PCDHGA2: variants seen among roughly 807,000 people sequenced by gnomAD.
PCDHGA2 encodes the protein protocadherin gamma-A2.
PCDHGA2 carries 40 observed loss-of-function variants against 59.2 expected under a neutral mutation model. The ratio of observed to expected loss-of-function variants is 0.68; its 90% CI spans 0.52 to 0.88. PCDHGA2 has a LOEUF of 0.88. Ranked by LOEUF, PCDHGA2 falls within the 40% of genes least tolerant of loss-of-function variation. The pLI is 0.00. For synonymous variants in PCDHGA2, 560 were observed against 526.0 expected, an observed-to-expected ratio of 1.06 and a Z score of -0.89; for missense variants, 1,226 against 1,204.0, an observed-to-expected ratio of 1.02 and a Z score of -0.27.
chr5:141,495,434 G>A (rs1038100521), intron 2 of PCDHGA2, among the ~76,000 whole-genome samples: 2 of 152,196 alleles, frequency 1.3e-5, no homozygotes, highest in Non-Finnish European at 2.9e-5. Flanking sequence ...ACTGTCCTCT[G>A]CCCCTACTTG....
intron 1 of PCDHGA2, chr5:141,360,463 G>A (rs1405122386): frequency 6.2e-7 from 1 of 1,613,904 alleles, no homozygotes; most frequent in South Asian, 1.1e-5. Flanking sequence ...CGATACTGTC[G>A]CTGAAAATCC....
chr5:141,485,444 G>A lies in PCDHGA2; in HGVS notation c.2425-9363G>A. 1 of 1,614,110 alleles carries A rather than the reference G, an allele frequency of 6.2e-7. No individual in the cohort carries two copies. Among genetic ancestry groups the A allele is most frequent in the Non-Finnish European group, 8.5e-7 (1 of 1,180,020 alleles). On this transcript the variant is annotated intron_variant, in intron 1 of 3. Coordinates refer to ENST00000394576, the MANE Select transcript of PCDHGA2 (RefSeq NM_018915.4). This position sits in a 1 kb window ranked among gnomAD's most constrained non-coding sequence, Gnocchi z 5.7. ...AGCCCTGCTCATCAAGAACCCAATC[G>A]ACCGAGAGGCACTGTGTGGGCTCAG...
Position 141,491,405 on chromosome 5 carries a change from A to C in PCDHGA2, c.2425-3402A>C. 6.2e-7 allele frequency: 1 copy of C among 1,614,096 alleles called. No individual in the cohort carries two copies. Among genetic ancestry groups the C allele is most frequent in the Non-Finnish European group, 8.5e-7 (1 of 1,179,998 alleles). On this transcript the variant is annotated intron_variant, in intron 1 of 3. Coordinates refer to ENST00000394576, the MANE Select transcript of PCDHGA2 (RefSeq NM_018915.4). This position sits in a 1 kb window ranked among gnomAD's most constrained non-coding sequence, Gnocchi z 6.9. ...GCGAAGTGCCTTCAGGGAAACGCAG[A>C]CGGGGACGGGGGTGGAGGGCAGTGC... is the stretch of plus-strand genomic sequence containing the variant.
intron 1 of PCDHGA2, among the ~76,000 whole-genome samples, chr5:141,484,211 G>A (rs1362875959): frequency 6.6e-6 from 1 of 152,158 alleles, no homozygotes; most frequent in Non-Finnish European, 1.5e-5. Context: ...ATGAACATTA[G>A]CATTCTGCCA....
In PCDHGA2 at chr5:141,489,661, C is replaced by T. The variant is rs756803543; in HGVS notation, c.2425-5146C>T. 36 of 1,614,146 alleles carry T rather than the reference C, an allele frequency of 2.2e-5. 1 individual carries two copies. Among genetic ancestry groups the T allele is most frequent in the South Asian group, 5.5e-5 (5 of 91,090 alleles). ...CTTTGCCACCCCTGAGCGAGAGATG[C>T]GCATCTCAGAATCAGCAGCATCTGG... On this transcript the variant is annotated intron_variant, in intron 1 of 3. Coordinates refer to ENST00000394576, the MANE Select transcript of PCDHGA2 (RefSeq NM_018915.4). The surrounding 1 kb of genome is among the most constrained non-coding windows in gnomAD (Gnocchi z 4.5).
chr5:141,366,328 C>T (rs778365263), intron 1 of PCDHGA2: 1 of 1,613,870 alleles, frequency 6.2e-7, no homozygotes, highest in Non-Finnish European at 8.5e-7. Context: ...CCGTGGCCGA[C>T]AGGATCCCTG....
At chr5:141,361,284 C>T in intron 1 of PCDHGA2, 1 of 1,614,018 alleles carries the variant, frequency 6.2e-7, no homozygotes, top group Non-Finnish European at 8.5e-7. Flanking sequence ...GAGAAGTTTA[C>T]TGCCAAGTGT....
At chr5:141,378,972 G>A (rs2150135353) in intron 1 of PCDHGA2, 1 of 152,298 alleles carries the variant, frequency 6.6e-6, no homozygotes, top group Middle Eastern at 3.4e-3. Context: ...CTAATTTGAT[G>A]ACTTGTTGAA....
chr5:141,430,951 C>A, intron 1 of PCDHGA2: 3 of 1,610,496 alleles, frequency 1.9e-6, no homozygotes, highest in Non-Finnish European at 2.5e-6. Flanking sequence ...AGCGCGGAGT[C>A]CGCATCATCC....
intron 1 of PCDHGA2, among the ~76,000 whole-genome samples, chr5:141,445,490 C>T (rs1181158971): frequency 6.6e-6 from 1 of 152,134 alleles, no homozygotes; most frequent in Non-Finnish European, 1.5e-5. Flanking sequence ...AGTTAATGGG[C>T]CCTATTCTAA....
Position 141,486,616 on chromosome 5 carries a change from C to A in PCDHGA2, c.2425-8191C>A. On this transcript the variant is annotated intron_variant, in intron 1 of 3. Transcript: ENST00000394576. The surrounding 1 kb of genome is among the most constrained non-coding windows in gnomAD (Gnocchi z 5.0). ...TGCTTTGCTCCCTTGCAGCCTCTGACCCAGACTCTGGCTTGAATGCGCTTA... is the reference window on the plus strand; with the variant it reads ...TGCTTTGCTCCCTTGCAGCCTCTGAACCAGACTCTGGCTTGAATGCGCTTA... The A allele has an allele frequency of 6.2e-7, 1 of 1,613,618 alleles. No individual in the cohort carries two copies. Among genetic ancestry groups the A allele is most frequent in the Non-Finnish European group, 8.5e-7 (1 of 1,180,022 alleles).
intron 1 of PCDHGA2, chr5:141,356,432 A>C (rs772805115): frequency 8.7e-6 from 14 of 1,609,664 alleles, no homozygotes; most frequent in Non-Finnish European, 1.2e-5. Context: ...AGAACACTGG[A>C]CAGGGAAGAA....
At chr5:141,346,741 A>G (rs898416865) in intron 1 of PCDHGA2, among the ~76,000 whole-genome samples, 2 of 152,214 alleles carry the variant, frequency 1.3e-5, no homozygotes. Flanking sequence ...CTAAGTTACT[A>G]TTTGAAATTG....
At chr5:141,466,058 C>T (rs970494567) in intron 1 of PCDHGA2, among the ~76,000 whole-genome samples, 2 of 152,046 alleles carry the variant, frequency 1.3e-5, no homozygotes, top group African/African-American at 4.8e-5. Flanking sequence ...GGAGACGGAG[C>T]TTGCAGTGAG....
chr5:141,428,082 G>A lies in PCDHGA2; in HGVS notation c.2425-66725G>A, dbSNP rs776612130. 2.5e-6 allele frequency: 4 copies of A among 1,609,030 alleles called. No individual in the cohort carries two copies. In the African/African-American group the frequency reaches 5.3e-5, roughly 21 times the overall value. On this transcript the variant is annotated intron_variant, in intron 1 of 3. Transcript: ENST00000394576. ...GGTGGACGCAGATTCGGGACACAACGCTTGGCTGTCCTACCACGTGCTGCA... is the reference window on the plus strand; with the variant it reads ...GGTGGACGCAGATTCGGGACACAACACTTGGCTGTCCTACCACGTGCTGCA...
rs1349189547 is a variant in PCDHGA2 at position 141,432,777 on chromosome 5, C to A, written c.2425-62030C>A. 1.2e-6 allele frequency: 2 copies of A among 1,614,154 alleles called. No individual in the cohort carries two copies. The highest frequency in any genetic ancestry group is 1.3e-5 in the African/African-American group (1 of 75,062). ...GCCGACAGCATCCCCCAAGTCCTGGCGGACCTCGGCAGCCTCGAGTCTCCA... is the reference window on the plus strand; with the variant it reads ...GCCGACAGCATCCCCCAAGTCCTGGAGGACCTCGGCAGCCTCGAGTCTCCA... On this transcript the variant is annotated intron_variant, in intron 1 of 3. Transcript: ENST00000394576. This position sits in a 1 kb window ranked among gnomAD's most constrained non-coding sequence, Gnocchi z 6.0.
intron 1 of PCDHGA2, chr5:141,384,001 CT>C (rs752837795): frequency 6.2e-7 from 1 of 1,613,828 alleles, no homozygotes; most frequent in South Asian, 1.1e-5. Context: ...AGTCATTGCT[CT>C]TTTCTACCTA....
At chr5:141,421,895 G>C in intron 1 of PCDHGA2, 1 of 1,613,730 alleles carries the variant, frequency 6.2e-7, no homozygotes, top group Non-Finnish European at 8.5e-7. Context: ...GATCCCATCC[G>C]AAAGGGCGCA....
intron 1 of PCDHGA2, chr5:141,402,829 T>C: frequency 7.5e-7 from 1 of 1,342,036 alleles, no homozygotes; most frequent in Non-Finnish European, 9.8e-7. Flanking sequence ...GCTCCCAGGC[T>C]GCAGCAAAAC....
Sources: allele counts gnomAD v4.1 joint callset (sites outside exome capture counted in the v4.1 genomes callset), GRCh38; gene constraint gnomAD v4.1.1; non-coding constraint Gnocchi (gnomAD v3.1); transcripts MANE v1.5; gene names NCBI Gene and HGNC (gene_info 2026-07-23, HGNC 2026-07-21).